Variants in DAB1 observed in about 807,000 individuals in gnomAD.
DAB1 encodes the protein DAB adaptor protein 1, also known as disabled homolog 1.
A neutral mutation model predicts 64.6 loss-of-function variants in DAB1; 15 were observed. The observed-to-expected ratio is 0.23, with a 90% CI of 0.16 to 0.36. The LOEUF is 0.36. Among genes scored for constraint, DAB1 ranks in the 10% least tolerant of loss-of-function variants. DAB1 has a pLI of 1.00. For synonymous variants in DAB1, 235 were observed against 251.9 expected (o/e 0.93, Z 0.64); for missense variants, 596 against 706.7 (o/e 0.84, Z 1.78).
chr1:57,064,986 A>C (rs1405317851), intron 8 of DAB1, among the ~76,000 whole-genome samples: 5 of 152,182 alleles, frequency 3.3e-5, no homozygotes, highest in Non-Finnish European at 5.9e-5. Flanking sequence ...ACTGAGAAAA[A>C]TGAAGAACAT....
At chr1:58,303,534 T>C (rs1483890002) in intron 4 of DAB1, among the ~76,000 whole-genome samples, 1 of 152,166 alleles carries the variant, frequency 6.6e-6, no homozygotes, top group Non-Finnish European at 1.5e-5. Context: ...AGCCAAAGCA[T>C]CATAGCTGAA....
intron 14 of DAB1, among the ~76,000 whole-genome samples, chr1:56,998,503 T>C (rs535929118): frequency 2.0e-5 from 3 of 152,206 alleles, no homozygotes; most frequent in African/African-American, 7.2e-5. Flanking sequence ...TTGAGGGAAT[T>C]AGAGATTACA....
chr1:57,354,537 G>T (rs1678903879), intron 1 of DAB1, among the ~76,000 whole-genome samples: 1 of 152,050 alleles, frequency 6.6e-6, no homozygotes, highest in African/African-American at 2.4e-5. Flanking sequence ...GTTGAGGGTG[G>T]GGGGTTAGGA....
rs149543846 is a variant in DAB1 at position 58,148,677 on chromosome 1, T to C, written n.387+1834A>G. Among the ~76,000 whole-genome samples the C allele has an allele frequency of 3.4e-3, 512 of 152,234 alleles. 3 individuals carry two copies. Among genetic ancestry groups the C allele is most frequent in the African/African-American group, 0.012 (500 of 41,556 alleles). On this transcript the variant is annotated intron_variant and non_coding_transcript_variant, in intron 5 of 20. Transcript: ENST00000485760. ...AGGAGGAGCAAAGGCATGTCTTACA[T>C]GGTGGCAGGAAAGAGCTTGCGCAGG...
At chr1:57,223,611 A>G (rs990928483) in intron 2 of DAB1, among the ~76,000 whole-genome samples, 1 of 152,164 alleles carries the variant, frequency 6.6e-6, no homozygotes, top group African/African-American at 2.4e-5. Context: ...CAAGGATATG[A>G]TCCCTGGGCA....
intron 7 of DAB1, among the ~76,000 whole-genome samples, chr1:57,479,146 T>G (rs1643979398): frequency 6.6e-6 from 1 of 152,122 alleles, no homozygotes; most frequent in African/African-American, 2.4e-5. Context: ...AAAGACTTGA[T>G]AAAATAAATA....
chr1:58,161,041 T>C (rs1007944847), intron 4 of DAB1, among the ~76,000 whole-genome samples: 1 of 152,164 alleles, frequency 6.6e-6, no homozygotes, highest in Non-Finnish European at 1.5e-5. Context: ...TAAGGGTCCA[T>C]TGCCCATCTA....
chr1:57,071,687 G>A lies in DAB1; in HGVS notation c.439-46C>T, dbSNP rs752984243. ...GCACATCATAAGGGAATGGTACTGA[G>A]ACGCAGCAACAAATTTTTGTTTTTG... On this transcript the variant is annotated intron_variant, in intron 5 of 14. Coordinates refer to ENST00000371236, the MANE Select transcript of DAB1 (RefSeq NM_001365792.1). 1.9e-6 allele frequency: 3 copies of A among 1,571,060 alleles called. No individual in the cohort carries two copies. The South Asian group carries it at 3.6e-5, about 19-fold the overall frequency.
At chr1:57,516,985 C>A (rs1217945463) in intron 7 of DAB1, among the ~76,000 whole-genome samples, 1 of 152,048 alleles carries the variant, frequency 6.6e-6, no homozygotes, top group East Asian at 1.9e-4. Flanking sequence ...GAGTGTTAGT[C>A]AAAGGTTGAG....
At chr1:58,163,433 C>G (rs1022700324) in intron 4 of DAB1, among the ~76,000 whole-genome samples, 3 of 152,204 alleles carry the variant, frequency 2.0e-5, no homozygotes, top group Non-Finnish European at 4.4e-5. Flanking sequence ...CAAATCCTCT[C>G]TCTCCACAAC....
At chr1:57,605,559 C>A (rs539497967) in intron 7 of DAB1, among the ~76,000 whole-genome samples, 1 of 152,284 alleles carries the variant, frequency 6.6e-6, no homozygotes, top group Admixed American at 6.5e-5. Context: ...GCTTTACTGA[C>A]ACATTTTCTT....
chr1:57,088,178 C>A (rs1653285610), intron 4 of DAB1, among the ~76,000 whole-genome samples: 1 of 152,208 alleles, frequency 6.6e-6, no homozygotes, highest in South Asian at 2.1e-4. Flanking sequence ...TCAAGTGATT[C>A]TCATGCCTCA....
chr1:57,539,073 G>A (rs1341312), intron 7 of DAB1, among the ~76,000 whole-genome samples: 142,840 of 152,288 alleles, frequency 0.94, 67,620 homozygotes, highest in East Asian at 1. Context: ...GCTCTCAGAT[G>A]AGCTGTTCTC....
intron 4 of DAB1, among the ~76,000 whole-genome samples, chr1:57,090,682 C>T (rs2100657128): frequency 6.6e-6 from 1 of 152,252 alleles, no homozygotes; most frequent in South Asian, 2.1e-4. Flanking sequence ...CCTAGCTATT[C>T]CCAAATCCAA....
intron 7 of DAB1, among the ~76,000 whole-genome samples, chr1:57,614,290 G>C (rs2101606459): frequency 6.6e-6 from 1 of 152,290 alleles, no homozygotes; most frequent in South Asian, 2.1e-4. Flanking sequence ...CCAAATTACT[G>C]ATCAGATCAA....
intron 1 of DAB1, among the ~76,000 whole-genome samples, chr1:57,874,548 A>G (rs1436699978): frequency 1.3e-5 from 2 of 152,170 alleles, no homozygotes; most frequent in African/African-American, 4.8e-5. Context: ...GCAGGTGAGT[A>G]GAATGAAGCT....
chr1:58,082,627 T>C (rs1022861637), intron 5 of DAB1, among the ~76,000 whole-genome samples: 2 of 151,864 alleles, frequency 1.3e-5, no homozygotes, highest in Non-Finnish European at 2.9e-5. Context: ...GGAGGAAGTT[T>C]CCCCTGACAT....
intron 2 of DAB1, among the ~76,000 whole-genome samples, chr1:57,240,003 G>A (rs76043286): frequency 0.075 from 11,390 of 152,230 alleles, 502 homozygotes; most frequent in East Asian, 0.18. Context: ...GAATTAAACT[G>A]TGATTCATTT....
intron 5 of DAB1, among the ~76,000 whole-genome samples, chr1:57,969,399 G>GT (rs1235557429): frequency 6.6e-6 from 1 of 152,070 alleles, no homozygotes; most frequent in Admixed American, 6.6e-5. Flanking sequence ...CTGGAGTGCA[G>GT]TGGAGCCATC....
Sources: allele counts gnomAD v4.1 joint callset (sites outside exome capture counted in the v4.1 genomes callset), GRCh38; gene constraint gnomAD v4.1.1; transcripts MANE v1.5; gene names NCBI Gene and HGNC (gene_info 2026-07-23, HGNC 2026-07-21).